SVEP1: variants seen among roughly 807,000 people sequenced by gnomAD.
SVEP1 encodes the protein sushi, von Willebrand factor type A, EGF and pentraxin domain containing 1.
Under a neutral mutation model 367.3 loss-of-function variants are expected in SVEP1, and 164 were observed. The observed-to-expected ratio is 0.45, with a 90% confidence interval of 0.39 to 0.51. The LOEUF is 0.51. Ranked by LOEUF, SVEP1 falls within the 20% of genes least tolerant of loss-of-function variation. SVEP1 has a pLI of 0.00. For synonymous variants in SVEP1, 1,666 were observed against 1,611.6 expected, an observed-to-expected ratio of 1.03 and a Z score of -0.81; for missense variants, 4,117 against 4,425.3, an observed-to-expected ratio of 0.93 and a Z score of 1.98.
intron 47 of SVEP1, 32 bp from the exon 48 acceptor site, chr9:110,366,592 T>G: frequency 6.6e-7 from 1 of 1,511,376 alleles, no homozygotes; most frequent in Non-Finnish European, 8.8e-7. Flanking sequence ...ACCAAATAGA[T>G]TCAAAAGAAA....
intron 2 of SVEP1, among the ~76,000 whole-genome samples, chr9:110,546,621 T>C (rs934022224): frequency 4.6e-5 from 7 of 152,186 alleles, no homozygotes; most frequent in African/African-American, 1.2e-4. Context: ...GTCATTCCCC[T>C]GGCTTCCAAA....
Position 110,408,744 on chromosome 9 carries a change from C to T in SVEP1, c.6856G>A (p.Val2286Ile). Residue 2286 changes from valine to isoleucine, a missense_variant, in exon 38 of 48, where the codon GTT (valine) becomes ATT (isoleucine). Val to Ile is a conservative substitution (Grantham distance 29). Coordinates refer to ENST00000374469, the MANE Select transcript of SVEP1 (RefSeq NM_153366.4). The stretch of plus-strand genomic sequence containing the variant: ...TAACCCTCATTACAGAAAAACTGAA[C>T]CTTGGACCCTACTTCAAAGTTTTCT... The part of the protein sequence containing the change: ...KGENFEVGSK[V>I]QFFCNEGYEL... 6.2e-7 allele frequency: 1 copy of T among 1,613,834 alleles called. No individual in the cohort carries two copies. The highest frequency in any genetic ancestry group is 8.5e-7 in the Non-Finnish European group (1 of 1,179,884).
Position 110,404,312 on chromosome 9 carries a change from A to C in SVEP1, c.9666+15T>G, listed in dbSNP as rs778301379. The stretch of plus-strand genomic sequence containing the variant: ...TATGTAGGCATTACACATTCTAATT[A>C]AGACAGAATCTTACCTGACATACTG... On this transcript the variant is annotated intron_variant, in intron 39 of 47. Transcript: ENST00000374469. 6.2e-7 allele frequency: 1 copy of C among 1,611,916 alleles called. No homozygotes were observed. The highest frequency in any genetic ancestry group is 2.2e-5 in the East Asian group (1 of 44,858).
intron 46 of SVEP1, among the ~76,000 whole-genome samples, chr9:110,372,797 G>A (rs1157342735): frequency 2.0e-5 from 3 of 152,180 alleles, no homozygotes; most frequent in Non-Finnish European, 2.9e-5. Context: ...TGTGATGGTA[G>A]GATAACAAGT....
chr9:110,528,156 G>GTATGTATATATATATA (rs1554721448), intron 3 of SVEP1, among the ~76,000 whole-genome samples: 7 of 33,950 alleles, frequency 2.1e-4, no homozygotes, highest in African/African-American at 7.4e-4. Flanking sequence ...GTGTGTGTGT[G>GTATGTATATATATATA]TATATATATA....
intron 40 of SVEP1, among the ~76,000 whole-genome samples, chr9:110,390,027 G>GTA (rs910751829): frequency 0.011 from 1,024 of 93,076 alleles, 7 homozygotes; most frequent in Non-Finnish European, 0.017. Context: ...GTGTGTGTGT[G>GTA]TATATATATA....
intron 9 of SVEP1, 46 bp downstream of exon 9, chr9:110,489,604 T>A: frequency 6.4e-7 from 1 of 1,563,928 alleles, no homozygotes; most frequent in Admixed American, 1.9e-5. Flanking sequence ...GAGCCACAGT[T>A]CAAGATGACG....
At chr9:110,461,037 T>C (rs2118642464) in intron 18 of SVEP1, among the ~76,000 whole-genome samples, 1 of 152,382 alleles carries the variant, frequency 6.6e-6, no homozygotes, top group Non-Finnish European at 1.5e-5. Context: ...GGAAATCTTA[T>C]TATTTTTAAC....
At chr9:110,375,576 A>C (rs1321470715) in intron 45 of SVEP1, 113 bp from the exon 46 acceptor site, 1 of 885,912 alleles carries the variant, frequency 1.1e-6, no homozygotes, top group Admixed American at 2.8e-5. Flanking sequence ...GCAGGAGTGA[A>C]ACCTTATATG....
chr9:110,415,659 G>T (rs1041757908), intron 36 of SVEP1, among the ~76,000 whole-genome samples: 1 of 151,920 alleles, frequency 6.6e-6, no homozygotes, highest in Admixed American at 6.6e-5. Context: ...AGTAAAGAGA[G>T]ATAAGATGAG....
chr9:110,414,003 G>C (rs191643093), intron 36 of SVEP1, among the ~76,000 whole-genome samples: 1 of 152,024 alleles, frequency 6.6e-6, no homozygotes, highest in Non-Finnish European at 1.5e-5. Context: ...GCTGTAAGCA[G>C]CAGAATTGGG....
intron 3 of SVEP1, among the ~76,000 whole-genome samples, chr9:110,517,920 A>T (rs533700369): frequency 6.6e-6 from 1 of 152,276 alleles, no homozygotes; most frequent in Non-Finnish European, 1.5e-5. Context: ...ATGAAAACAA[A>T]TACTAAAGAA....
chr9:110,409,945 A>T (rs1828020989), intron 37 of SVEP1, among the ~76,000 whole-genome samples: 1 of 152,108 alleles, frequency 6.6e-6, no homozygotes, highest in Admixed American at 6.6e-5. Context: ...TGTGTTGTTA[A>T]ATGCTAGGTC....
At chr9:110,441,996 C>G (rs1246192933) in intron 27 of SVEP1, among the ~76,000 whole-genome samples, 1 of 152,164 alleles carries the variant, frequency 6.6e-6, no homozygotes, top group East Asian at 1.9e-4. Context: ...CTTGCCTTCC[C>G]TCTTTCAGCC....
chr9:110,488,179 G>A (rs1284274552), intron 9 of SVEP1, among the ~76,000 whole-genome samples: 1 of 152,200 alleles, frequency 6.6e-6, no homozygotes, highest in Non-Finnish European at 1.5e-5. Flanking sequence ...TCGCTTGGTA[G>A]CTAGGTGGTT....
intron 3 of SVEP1, among the ~76,000 whole-genome samples, chr9:110,524,180 G>C (rs1265787842): frequency 1.3e-5 from 2 of 151,966 alleles, no homozygotes; most frequent in East Asian, 1.9e-4. Flanking sequence ...AAAATATCCA[G>C]GTCCAAATGA....
rs1275426218 is a variant in SVEP1 at position 110,579,467 on chromosome 9, G to A, written c.77C>T (p.Pro26Leu). ...SGWATFQQMS[P>L]SRNFSFRLFP... ...GAGGCGGAAGCTGAAATTGCGCGAC[G>A]GGGACATCTGCTGAAAGGTCGCCCA... The change falls in exon 1 of 48, where the codon CCG becomes CTG. Residue 26 changes from proline to leucine, a missense_variant. Coordinates refer to ENST00000374469, the MANE Select transcript of SVEP1 (RefSeq NM_153366.4). This position sits in a 1 kb window ranked among gnomAD's most constrained non-coding sequence, Gnocchi z 5.3. The A allele has an allele frequency of 5.6e-6, 9 of 1,603,092 alleles. No individual in the cohort carries two copies. The highest frequency in any genetic ancestry group is 1.3e-5 in the African/African-American group (1 of 74,620).
intron 40 of SVEP1, among the ~76,000 whole-genome samples, chr9:110,397,812 A>G (rs1383258992): frequency 6.6e-6 from 1 of 152,148 alleles, no homozygotes; most frequent in Non-Finnish European, 1.5e-5. Flanking sequence ...TTCAAGGAGA[A>G]CTACAAACCA....
Position 110,408,889 on chromosome 9 carries a change from T to C in SVEP1, c.6711A>G (p.Ser2237=). ...VRYQCNPGYK[S]VGSPVFVCQA... is the part of the protein sequence containing the mutation. Reference sequence around the variant, plus strand: ...GGCAGACAAATACAGGACTTCCGACTGACTTATAGCCCGGGTTACACTGAT... The same window carrying C: ...GGCAGACAAATACAGGACTTCCGACCGACTTATAGCCCGGGTTACACTGAT... The change falls in exon 38 of 48, where the codon TCA becomes TCG. Residue 2237 remains serine (S), a synonymous_variant. Coordinates refer to ENST00000374469, the MANE Select transcript of SVEP1 (RefSeq NM_153366.4). 6 of 1,613,132 alleles carry C rather than the reference T, an allele frequency of 3.7e-6. No individual in the cohort carries two copies. The highest frequency in any genetic ancestry group is 5.1e-6 in the Non-Finnish European group (6 of 1,179,534).
Sources: allele counts gnomAD v4.1 joint callset (sites outside exome capture counted in the v4.1 genomes callset), GRCh38; gene constraint gnomAD v4.1.1; non-coding constraint Gnocchi (gnomAD v3.1); transcripts MANE v1.5; gene names NCBI Gene and HGNC (gene_info 2026-07-23, HGNC 2026-07-21).